Variants in SLC44A5 observed in about 807,000 individuals in gnomAD.
The protein encoded by SLC44A5 is solute carrier family 44 member 5, also known as choline transporter-like protein 5.
Under a neutral mutation model 101.8 loss-of-function variants are expected in SLC44A5, and 57 were observed. The ratio of observed to expected loss-of-function variants is 0.56; its 90% CI spans 0.45 to 0.70. The LOEUF (loss-of-function observed/expected upper bound fraction) is 0.70. Ranked by LOEUF, SLC44A5 falls within the 30% of genes least tolerant of loss-of-function variation. The probability of loss-of-function intolerance (pLI) is 0.00; values close to 1 mark genes in which losing one functional copy is unlikely to be tolerated. For synonymous variants in SLC44A5, 281 were observed against 290.9 expected, an observed-to-expected ratio of 0.97 and a Z score of 0.35; for missense variants, 737 against 853.1, an observed-to-expected ratio of 0.86 and a Z score of 1.70.
intron 5 of SLC44A5, among the ~76,000 whole-genome samples, chr1:75,287,081 T>C (rs1146457): frequency 0.34 from 52,145 of 151,948 alleles, 10,680 homozygotes; most frequent in East Asian, 0.87. Flanking sequence ...CACAAATTAT[T>C]CTTAAATTTG....
At chr1:75,577,544 G>C (rs211755) in intron 1 of SLC44A5, among the ~76,000 whole-genome samples, 11 of 152,290 alleles carry the variant, frequency 7.2e-5, no homozygotes, top group Admixed American at 3.9e-4. Context: ...TCACAGTCTC[G>C]GTGAGCCCTT....
intron 2 of SLC44A5, among the ~76,000 whole-genome samples, chr1:75,412,562 G>C (rs147069816): frequency 1.3e-5 from 2 of 152,156 alleles, no homozygotes; most frequent in African/African-American, 4.8e-5. Context: ...ACGAACAGGA[G>C]GTGTATTTCC....
At chr1:75,426,923 T>C (rs1322039439) in intron 2 of SLC44A5, among the ~76,000 whole-genome samples, 1 of 152,230 alleles carries the variant, frequency 6.6e-6, no homozygotes, top group Non-Finnish European at 1.5e-5. Flanking sequence ...CTTTCAGCGC[T>C]GGTGCAGCGG....
intron 2 of SLC44A5, among the ~76,000 whole-genome samples, chr1:75,522,471 C>A (rs1261768872): frequency 6.6e-6 from 1 of 151,936 alleles, no homozygotes; most frequent in Non-Finnish European, 1.5e-5. Context: ...ATTCAGACAT[C>A]TTATCTCTCT....
chr1:75,634,433 C>G, the SLC44A5 span, among the ~76,000 whole-genome samples: 1 of 151,660 alleles, frequency 6.6e-6, no homozygotes, highest in Non-Finnish European at 1.5e-5. Flanking sequence ...CTACAGTAAC[C>G]AAAACAGCAT....
intron 9 of SLC44A5, among the ~76,000 whole-genome samples, chr1:75,241,243 G>A (rs918933940): frequency 1.3e-5 from 2 of 151,404 alleles, no homozygotes; most frequent in Admixed American, 1.3e-4. Context: ...TATTTTTTTA[G>A]AGACAGTGTT....
At chr1:75,393,503 G>A (rs1029528699) in intron 3 of SLC44A5, among the ~76,000 whole-genome samples, 5 of 152,140 alleles carry the variant, frequency 3.3e-5, no homozygotes, top group African/African-American at 1.2e-4. Flanking sequence ...TGACATGTCA[G>A]AATCAAATTG....
chr1:75,319,802 T>C (rs774885011), intron 4 of SLC44A5, among the ~76,000 whole-genome samples: 36 of 152,094 alleles, frequency 2.4e-4, no homozygotes, highest in Non-Finnish European at 4.9e-4. Flanking sequence ...TTTCAAAATA[T>C]AACAGATAAA....
intron 3 of SLC44A5, among the ~76,000 whole-genome samples, chr1:75,386,012 C>T (rs1225523911): frequency 2.0e-5 from 3 of 152,228 alleles, no homozygotes; most frequent in South Asian, 2.1e-4. Flanking sequence ...TCAACAACCC[C>T]TCATGCTAAA....
intron 2 of SLC44A5, among the ~76,000 whole-genome samples, chr1:75,498,401 G>T (rs1668782747): frequency 6.6e-6 from 1 of 152,066 alleles, no homozygotes; most frequent in Non-Finnish European, 1.5e-5. Flanking sequence ...CCTAAAATTT[G>T]ATATTACTTC....
chr1:75,335,064 G>A (rs151145557), intron 4 of SLC44A5, among the ~76,000 whole-genome samples: 1 of 152,316 alleles, frequency 6.6e-6, no homozygotes. Context: ...TTTCTCCAAT[G>A]AGTTCCCACT....
intron 1 of SLC44A5, among the ~76,000 whole-genome samples, chr1:75,599,544 T>C (rs1452535805): frequency 2.6e-5 from 4 of 152,054 alleles, no homozygotes; most frequent in Non-Finnish European, 5.9e-5. Context: ...TAAATTGATA[T>C]AAGAGCACTA....
chr1:75,540,750 T>G, intron 2 of SLC44A5, among the ~76,000 whole-genome samples: 1 of 152,182 alleles, frequency 6.6e-6, no homozygotes, highest in Admixed American at 6.5e-5. Context: ...AGGAATACAA[T>G]TTGCCCTTAA....
At chr1:75,543,664 CATAT>C (rs1411518002) in intron 1 of SLC44A5, among the ~76,000 whole-genome samples, 1 of 117,180 alleles carries the variant, frequency 8.5e-6, no homozygotes, top group Non-Finnish European at 1.7e-5. Context: ...TATATACACA[CATAT>C]ATACACACAT....
chr1:75,370,115 A>G lies in SLC44A5; in HGVS notation c.52+26468T>C, dbSNP rs143876479. 1.8e-4 allele frequency among the ~76,000 whole-genome samples: 28 copies of G among 152,360 alleles called. No individual in the cohort carries two copies. In the East Asian group the frequency reaches 2.9e-3, roughly 16 times the overall value. ...AGGAAAATTATGTTCCTCATCCTCC[A>G]TCCTCTGGCTTTAAGCCAGGCCTGG... On this transcript the variant is annotated intron_variant, in intron 3 of 23. Coordinates refer to ENST00000370859, the MANE Select transcript of SLC44A5 (RefSeq NM_001130058.2).
chr1:75,470,981 T>C (rs1667074443), intron 2 of SLC44A5, among the ~76,000 whole-genome samples: 1 of 152,100 alleles, frequency 6.6e-6, no homozygotes, highest in South Asian at 2.1e-4. Flanking sequence ...AACTAAAGCA[T>C]TTTGCAAGTA....
At chr1:75,437,693 A>G (rs905080985) in intron 2 of SLC44A5, among the ~76,000 whole-genome samples, 1 of 152,166 alleles carries the variant, frequency 6.6e-6, no homozygotes, top group African/African-American at 2.4e-5. Flanking sequence ...AGGATGGTAC[A>G]AAAACACCAG....
At chr1:75,483,632 T>G (rs1202487484) in intron 2 of SLC44A5, among the ~76,000 whole-genome samples, 2 of 152,200 alleles carry the variant, frequency 1.3e-5, no homozygotes, top group Non-Finnish European at 2.9e-5. Flanking sequence ...TTTGTTAATT[T>G]CAACTACATT....
the SLC44A5 span, among the ~76,000 whole-genome samples, chr1:75,662,165 A>G: frequency 2.6e-5 from 4 of 152,272 alleles, no homozygotes; most frequent in South Asian, 6.2e-4. Flanking sequence ...AATTTTATTC[A>G]GTCATAAAAA....
Sources: gnomAD v4.1 joint callset for allele counts (sites outside exome capture counted in the v4.1 genomes callset) on GRCh38, gnomAD v4.1.1 for gene constraint, MANE v1.5 for transcripts, NCBI Gene and HGNC (gene_info 2026-07-23, HGNC 2026-07-21) for gene names.